The following TLK1 variants were observed in gnomAD, a reference collection of about 807,000 sequenced individuals.
The protein encoded by TLK1 is serine/threonine-protein kinase tousled-like 1.
TLK1 carries 24 observed loss-of-function variants against 105.3 expected under a neutral mutation model. The ratio of observed to expected loss-of-function variants is 0.23; its 90% CI spans 0.17 to 0.32. The LOEUF is 0.32. Ranked by LOEUF, TLK1 falls within the 10% of genes least tolerant of loss-of-function variation. The probability of loss-of-function intolerance (pLI) is 1.00; values close to 1 mark genes in which losing one functional copy is unlikely to be tolerated. For synonymous variants in TLK1, 321 were observed against 310.4 expected (o/e 1.03, Z -0.36); for missense variants, 558 against 910.5 (o/e 0.61, Z 4.98).
At chr2:171,005,682 A>G (rs1324463985) in intron 18 of TLK1, among the ~76,000 whole-genome samples, 1 of 152,220 alleles carries the variant, frequency 6.6e-6, no homozygotes, top group Non-Finnish European at 1.5e-5. Flanking sequence ...GCAATGAACT[A>G]AGATTACACC....
chr2:170,999,071 A>G (rs1350506839), intron 18 of TLK1, among the ~76,000 whole-genome samples: 1 of 152,236 alleles, frequency 6.6e-6, no homozygotes, highest in African/African-American at 2.4e-5. Flanking sequence ...AAGCCAGTTC[A>G]TAATTTTTAA....
intron 2 of TLK1, among the ~76,000 whole-genome samples, chr2:171,099,913 G>T (rs1300799836): frequency 6.6e-6 from 1 of 152,132 alleles, no homozygotes; most frequent in Non-Finnish European, 1.5e-5. Flanking sequence ...CTCCCTAGAA[G>T]AAAGCATAGG....
intron 2 of TLK1, among the ~76,000 whole-genome samples, chr2:171,090,461 G>C (rs913988541): frequency 2.2e-5 from 3 of 136,582 alleles, no homozygotes; most frequent in Non-Finnish European, 4.8e-5. Context: ...TTACATCACT[G>C]TGTTCAGTTT....
intron 2 of TLK1, among the ~76,000 whole-genome samples, chr2:171,112,952 A>G (rs1690247693): frequency 1.3e-5 from 2 of 152,174 alleles, no homozygotes; most frequent in Non-Finnish European, 1.5e-5. Context: ...TACAAATTGA[A>G]TGCATTCAAA....
intron 1 of TLK1, among the ~76,000 whole-genome samples, chr2:171,183,538 CTT>C (rs1692966306): frequency 6.6e-6 from 1 of 151,818 alleles, no homozygotes; most frequent in Admixed American, 6.6e-5. Flanking sequence ...TTTTGATACT[CTT>C]TATATACTAT....
intron 2 of TLK1, among the ~76,000 whole-genome samples, chr2:171,092,028 G>A (rs761478694): frequency 5.3e-5 from 8 of 151,518 alleles, no homozygotes; most frequent in Non-Finnish European, 7.4e-5. Flanking sequence ...CACTGCGCCC[G>A]GCCGTCTTTT....
At chr2:171,051,686 G>A (rs768103493) in intron 8 of TLK1, among the ~76,000 whole-genome samples, 12 of 152,066 alleles carry the variant, frequency 7.9e-5, no homozygotes, top group Non-Finnish European at 1.5e-4. Context: ...TATGTTCACT[G>A]TTACTAACAG....
At chr2:171,089,763 C>T (rs901217450) in intron 2 of TLK1, among the ~76,000 whole-genome samples, 1 of 152,160 alleles carries the variant, frequency 6.6e-6, no homozygotes, top group Non-Finnish European at 1.5e-5. Flanking sequence ...CACCCTCGAA[C>T]TCCTGGGCTC....
chr2:171,189,248 G>C (rs1333356429), intron 1 of TLK1, among the ~76,000 whole-genome samples: 1 of 150,780 alleles, frequency 6.6e-6, no homozygotes, highest in African/African-American at 2.4e-5. Flanking sequence ...CTCACTGCAG[G>C]CTCCACCTCC....
At chr2:171,079,311 C>G (rs541612583) in intron 3 of TLK1, among the ~76,000 whole-genome samples, 1 of 152,244 alleles carries the variant, frequency 6.6e-6, no homozygotes, top group Admixed American at 6.5e-5. Flanking sequence ...CTTTCCCCTA[C>G]AGGCAAATGG....
intron 2 of TLK1, among the ~76,000 whole-genome samples, chr2:171,108,033 G>T (rs1690003373): frequency 6.6e-6 from 1 of 150,638 alleles, no homozygotes; most frequent in Non-Finnish European, 1.5e-5. Flanking sequence ...CTCCAGCCTG[G>T]GTGACAGAGT....
At chr2:171,003,343 A>G (rs891672574) in intron 18 of TLK1, among the ~76,000 whole-genome samples, 1 of 148,386 alleles carries the variant, frequency 6.7e-6, no homozygotes, top group African/African-American at 2.5e-5. Context: ...AGCTGCAGTG[A>G]CAGCTTTACA....
chr2:171,065,365 A>C (rs961594071), intron 3 of TLK1, among the ~76,000 whole-genome samples: 3 of 152,218 alleles, frequency 2.0e-5, no homozygotes, highest in African/African-American at 7.2e-5. Context: ...TAGACACAGA[A>C]TATTTCTTTT....
At chr2:171,212,579 C>T (rs1002354900) in intron 1 of TLK1, among the ~76,000 whole-genome samples, 3 of 152,010 alleles carry the variant, frequency 2.0e-5, no homozygotes, top group Non-Finnish European at 2.9e-5. Context: ...GTTCCAGCAC[C>T]GGCTCCTTTT....
chr2:171,175,923 TTTTTTTG>T (rs1692813180), intron 1 of TLK1, among the ~76,000 whole-genome samples: 1 of 152,046 alleles, frequency 6.6e-6, no homozygotes, highest in Admixed American at 6.6e-5. Flanking sequence ...ATCAAGGTTT[TTTTTTTG>T]TTTTTGTTTT....
chr2:171,213,899 A>AT (rs1350215132), intron 1 of TLK1, among the ~76,000 whole-genome samples: 5 of 145,812 alleles, frequency 3.4e-5, no homozygotes, highest in African/African-American at 5.0e-5. Flanking sequence ...TTTAAAAAAA[A>AT]TTTTTTTTTT....
intron 18 of TLK1, among the ~76,000 whole-genome samples, chr2:171,001,602 TA>T (rs1194688203): frequency 6.6e-6 from 1 of 152,192 alleles, no homozygotes; most frequent in Non-Finnish European, 1.5e-5. Flanking sequence ...TGCATTTGCA[TA>T]AAACAGTAGA....
intron 3 of TLK1, among the ~76,000 whole-genome samples, chr2:171,077,608 T>C (rs1465207609): frequency 2.0e-5 from 3 of 152,256 alleles, no homozygotes; most frequent in African/African-American, 7.2e-5. Context: ...ACAGTCCCTA[T>C]CTTAAATGAC....
chr2:171,201,601 T>C (rs1173129537), intron 1 of TLK1, among the ~76,000 whole-genome samples: 1 of 152,216 alleles, frequency 6.6e-6, no homozygotes, highest in Non-Finnish European at 1.5e-5. Context: ...GCTCTAACCA[T>C]TGAGAATTTT....
Sources: allele counts gnomAD v4.1 joint callset (sites outside exome capture counted in the v4.1 genomes callset), GRCh38; gene constraint gnomAD v4.1.1; transcripts MANE v1.5; gene names NCBI Gene and HGNC (gene_info 2026-07-23, HGNC 2026-07-21).